Variants in SLC22A15 observed in about 807,000 individuals in gnomAD.
The protein encoded by SLC22A15 is flipt 1.
SLC22A15 carries 45 observed loss-of-function variants against 62.7 expected under a neutral mutation model. The ratio of observed to expected loss-of-function variants is 0.72; its 90% CI spans 0.56 to 0.92. SLC22A15 has a LOEUF of 0.92. Ranked by LOEUF, SLC22A15 falls within the 40% of genes least tolerant of loss-of-function variation. The pLI, the probability that SLC22A15 is intolerant of heterozygous loss-of-function variation, is 0.00. For synonymous variants in SLC22A15, 264 were observed against 267.0 expected, an observed-to-expected ratio of 0.99 and a Z score of 0.11; for missense variants, 622 against 665.6, an observed-to-expected ratio of 0.93 and a Z score of 0.72.
chr1:116,040,164 C>T (rs1227421274), intron 8 of SLC22A15, among the ~76,000 whole-genome samples: 1 of 152,156 alleles, frequency 6.6e-6, no homozygotes, highest in African/African-American at 2.4e-5. Context: ...AAGAGATAGC[C>T]AGTAAGCCAG....
At chr1:116,019,955 G>T (rs949681633) in intron 3 of SLC22A15, among the ~76,000 whole-genome samples, 1 of 152,182 alleles carries the variant, frequency 6.6e-6, no homozygotes, top group African/African-American at 2.4e-5. Context: ...GTTCATAGGT[G>T]ATGGTGCTTT....
In SLC22A15 at chr1:116,031,435, C is replaced by T. The variant is rs1288159587; in HGVS notation, c.798C>T (p.Tyr266=). The T allele has an allele frequency of 6.2e-7, 1 of 1,613,912 alleles. No individual in the cohort carries two copies. The change falls in exon 6 of 12, where the codon TAC becomes TAT. Residue 266 remains tyrosine (Y), a synonymous_variant. Transcript: ENST00000369503. ...GRLSEAEEAL[Y]LIAKRNRKLK... The stretch of plus-strand genomic sequence containing the variant: ...TGAGTGAGGCTGAAGAGGCGCTGTA[C>T]CTCATTGCCAAGAGGAACCGCAAAC...
At chr1:116,062,685 C>A in intron 8 of SLC22A15, 77 bp from the exon 9 acceptor site, 1 of 1,554,008 alleles carries the variant, frequency 6.4e-7, no homozygotes, top group Non-Finnish European at 8.8e-7. Context: ...GCCACCTGCT[C>A]CATCAAAATG....
In SLC22A15 at chr1:116,069,432, C is replaced by T. The variant is rs567948271; in HGVS notation, c.*2324C>T. ...TGACAGGTAATGTATTTTGGTTGTG[C>T]GGATGGTTTGTAAAAAGTATCCTGT... is the stretch of plus-strand genomic sequence containing the variant. On this transcript the variant is annotated 3_prime_UTR_variant, in exon 12 of 12. Transcript: ENST00000369503. 9 of 151,848 alleles carry T rather than the reference C, an allele frequency of 5.9e-5. No individual in the cohort carries two copies. Among genetic ancestry groups the T allele is most frequent in the East Asian group, 5.8e-4 (3 of 5,176 alleles). The allele number at this position is 151,848 out of a possible 1,614,324, so 9.4% of individuals were successfully genotyped here.
In SLC22A15 at chr1:115,996,416, T is replaced by C. The variant is rs1485877347; in HGVS notation, c.300+4173T>C. On this transcript the variant is annotated intron_variant, in intron 2 of 11. Coordinates refer to ENST00000369503, the MANE Select transcript of SLC22A15 (RefSeq NM_018420.3). ...CATATCAATTTGGGGAGAATCAACG[T>C]CTTTACTATGCTGAGTCTTCCAATA... 2.0e-5 allele frequency among the ~76,000 whole-genome samples: 3 copies of C among 152,300 alleles called. No individual in the cohort carries two copies. In the East Asian group the frequency reaches 5.8e-4, roughly 29 times the overall value.
chr1:115,997,235 TTTG>T (rs150354511), intron 2 of SLC22A15, among the ~76,000 whole-genome samples: 38 of 151,754 alleles, frequency 2.5e-4, no homozygotes, highest in Non-Finnish European at 4.3e-4. Flanking sequence ...TTGCTCCAGT[TTTG>T]TTGTTGTTGT....
intron 1 of SLC22A15, among the ~76,000 whole-genome samples, chr1:115,979,349 A>G (rs189587937): frequency 1.3e-4 from 20 of 152,340 alleles, no homozygotes; most frequent in African/African-American, 4.6e-4. Flanking sequence ...ATAGCATTCA[A>G]CTTTGAGATA....
intron 8 of SLC22A15, among the ~76,000 whole-genome samples, chr1:116,045,090 C>T (rs950393768): frequency 1.3e-5 from 2 of 152,114 alleles, no homozygotes; most frequent in African/African-American, 4.8e-5. Context: ...CATGCCCAGG[C>T]TGGAGTGCAG....
chr1:116,066,648 G>A lies in SLC22A15; in HGVS notation c.1494G>A (p.Val498=), dbSNP rs2101581899. 3 of 1,612,808 alleles carry A rather than the reference G, an allele frequency of 1.9e-6. No individual in the cohort carries two copies. Among genetic ancestry groups the A allele is most frequent in the Non-Finnish European group, 2.5e-6 (3 of 1,179,526 alleles). The change falls in exon 11 of 12, where the codon GTG becomes GTA. Residue 498 remains valine, a synonymous_variant. Transcript: ENST00000369503. ...TAGAAACATTCTCCGACCTTCAGGT[G>A]TATTCGTATCGCAGGCTGGGAGAAG... ...PLLETFSDLQ[V]YSYRRLGEEA... is the part of the protein sequence containing the mutation.
chr1:116,066,861 C>A (rs951389247), intron 11 of SLC22A15, among the ~76,000 whole-genome samples, 153 bp downstream of exon 11: 8 of 152,076 alleles, frequency 5.3e-5, no homozygotes, highest in Non-Finnish European at 1.0e-4. Flanking sequence ...TAAGGATGAT[C>A]GATGATTCAT....
chr1:116,030,935 A>G (rs1657364472), intron 5 of SLC22A15, among the ~76,000 whole-genome samples: 1 of 151,960 alleles, frequency 6.6e-6, no homozygotes, highest in Non-Finnish European at 1.5e-5. Context: ...AGGCTTTTTT[A>G]GAACTTAAAA....
intron 1 of SLC22A15, among the ~76,000 whole-genome samples, chr1:115,982,636 T>TTTCTTCTG (rs1274468227): frequency 1.3e-5 from 2 of 152,228 alleles, no homozygotes; most frequent in South Asian, 2.1e-4. Flanking sequence ...GTATTGGTTC[T>TTTCTTCTG]TTCTTCTGTT....
intron 2 of SLC22A15, chr1:116,015,038 A>G (rs953353245): frequency 6.6e-6 from 1 of 152,212 alleles, no homozygotes; most frequent in Admixed American, 6.5e-5. Flanking sequence ...TAGATCACAT[A>G]GTAGGTATGT....
rs375004031 is a variant in SLC22A15 at position 115,982,549 on chromosome 1, A to G, written c.87+5835A>G. ...GTATTTCAATATATGGCCATAGTAT[A>G]ATTTGCTATTCAGTTCTCTTGTGTT... On this transcript the variant is annotated intron_variant, in intron 1 of 11. Coordinates refer to ENST00000369503, the MANE Select transcript of SLC22A15 (RefSeq NM_018420.3). Among the ~76,000 whole-genome samples the G allele has an allele frequency of 2.4e-3, 358 of 152,250 alleles. 1 individual carries two copies. Among genetic ancestry groups the G allele is most frequent in the African/African-American group, 8.3e-3 (345 of 41,548 alleles).
intron 2 of SLC22A15, among the ~76,000 whole-genome samples, chr1:116,018,090 T>A (rs1994830): frequency 0.93 from 140,879 of 152,272 alleles, 65,279 homozygotes; most frequent in Middle Eastern, 0.99. Flanking sequence ...ATTGCTGTGT[T>A]ACCATTGCCA....
At chr1:116,043,210 G>A (rs1434848462) in intron 8 of SLC22A15, among the ~76,000 whole-genome samples, 2 of 152,150 alleles carry the variant, frequency 1.3e-5, no homozygotes, top group Non-Finnish European at 2.9e-5. Context: ...GATCACTTGA[G>A]GTCAGGAGTT....
rs1655402954 is a variant in SLC22A15, at chr1:115,995,971, ACTG to A, written c.300+3731_300+3733del. On this transcript the variant is annotated intron_variant, in intron 2 of 11. Coordinates refer to ENST00000369503, the MANE Select transcript of SLC22A15 (RefSeq NM_018420.3). ...TCATAACTGAGATATTAACACTGAC[ACTG>A]CTAAGACACAAAACATTTCCATCAC... 8.5e-5 allele frequency among the ~76,000 whole-genome samples: 13 copies of A among 152,338 alleles called. No homozygotes were observed. The South Asian group carries it at 2.7e-3, about 32-fold the overall frequency.
In SLC22A15 at chr1:115,977,513, C is replaced by T. The variant is rs186636654; in HGVS notation, c.87+799C>T. The stretch of plus-strand genomic sequence containing the variant: ...CTTAAATGGCTCATTTGACATTAGT[C>T]GCTTCTCTCAATATGCCAGAGGCAT... On this transcript the variant is annotated intron_variant, in intron 1 of 11. Transcript: ENST00000369503. Among the ~76,000 whole-genome samples, 4 of 152,224 alleles carry T rather than the reference C, an allele frequency of 2.6e-5. No individual in the cohort carries two copies. The East Asian group carries it at 5.8e-4, about 22-fold the overall frequency.
chr1:115,987,244 C>T (rs1442374845), intron 1 of SLC22A15, among the ~76,000 whole-genome samples: 3 of 150,572 alleles, frequency 2.0e-5, no homozygotes, highest in Non-Finnish European at 4.4e-5. Flanking sequence ...CGGCTCACTG[C>T]AAGCTCCGCC....
Sources: allele counts gnomAD v4.1 joint callset (sites outside exome capture counted in the v4.1 genomes callset), GRCh38; gene constraint gnomAD v4.1.1; transcripts MANE v1.5; gene names NCBI Gene and HGNC (gene_info 2026-07-23, HGNC 2026-07-21).